The following NRG3 variants were observed in gnomAD, a reference collection of about 807,000 sequenced individuals.
NRG3 encodes pro-neuregulin-3, membrane-bound isoform.
Under a neutral mutation model 66.9 loss-of-function variants are expected in NRG3, and 31 were observed. That is an observed-to-expected ratio of 0.46 (90% confidence interval 0.35 to 0.63). The LOEUF is 0.63. Ranked by LOEUF, NRG3 falls within the 20% of genes least tolerant of loss-of-function variation. The pLI is 0.00. For synonymous variants in NRG3, 393 were observed against 359.4 expected, an observed-to-expected ratio of 1.09 and a Z score of -1.06; for missense variants, 910 against 878.9, an observed-to-expected ratio of 1.04 and a Z score of -0.45.
intron 1 of NRG3, among the ~76,000 whole-genome samples, chr10:82,256,800 G>A (rs975440161): frequency 6.6e-6 from 1 of 152,172 alleles, no homozygotes; most frequent in Non-Finnish European, 1.5e-5. Context: ...AATGGAAGAG[G>A]AAGGACCAGA....
intron 1 of NRG3, among the ~76,000 whole-genome samples, chr10:82,136,245 G>A (rs1323823698): frequency 6.6e-6 from 1 of 152,138 alleles, no homozygotes. Flanking sequence ...GCTGAGGGAG[G>A]TGCTACCACC....
At chr10:82,861,578 C>T (rs1245284825) in intron 3 of NRG3, among the ~76,000 whole-genome samples, 1 of 152,172 alleles carries the variant, frequency 6.6e-6, no homozygotes, top group East Asian at 1.9e-4. Context: ...TACAGATTCA[C>T]AAAGCCCGAT....
intron 3 of NRG3, among the ~76,000 whole-genome samples, chr10:82,819,611 A>C (rs1316502764): frequency 1.3e-5 from 2 of 152,214 alleles, no homozygotes; most frequent in Non-Finnish European, 2.9e-5. Context: ...GATTCTTATG[A>C]GTATCTGATG....
chr10:82,180,281 T>C (rs1306547313), intron 1 of NRG3, among the ~76,000 whole-genome samples: 4 of 151,904 alleles, frequency 2.6e-5, no homozygotes, highest in Non-Finnish European at 5.9e-5. Context: ...AGTACAATAT[T>C]GAATAGAAGT....
chr10:82,500,830 T>C (rs576548515), intron 2 of NRG3, among the ~76,000 whole-genome samples: 1 of 152,208 alleles, frequency 6.6e-6, no homozygotes, highest in South Asian at 2.1e-4. Context: ...TGGAAAAACA[T>C]GAGAGTGTCC....
intron 2 of NRG3, among the ~76,000 whole-genome samples, chr10:82,449,779 C>T (rs1380354039): frequency 6.6e-6 from 1 of 152,120 alleles, no homozygotes; most frequent in Non-Finnish European, 1.5e-5. Flanking sequence ...TCCACTTACT[C>T]CAATCATATA....
intron 1 of NRG3, among the ~76,000 whole-genome samples, chr10:82,209,345 A>ACTCT (rs66897277): frequency 3.3e-5 from 5 of 151,642 alleles, no homozygotes; most frequent in African/African-American, 9.7e-5. Context: ...TACATATTAC[A>ACTCT]CTCTCTCTCT....
chr10:81,891,122 A>G (rs113881108), intron 1 of NRG3, among the ~76,000 whole-genome samples: 3 of 152,230 alleles, frequency 2.0e-5, no homozygotes, highest in African/African-American at 7.2e-5. Flanking sequence ...ATTATCAGTA[A>G]CGTGCAATTG....
At chr10:82,514,549 T>C (rs1398505741) in intron 2 of NRG3, among the ~76,000 whole-genome samples, 1 of 152,162 alleles carries the variant, frequency 6.6e-6, no homozygotes, top group African/African-American at 2.4e-5. Flanking sequence ...TCTATCTGTC[T>C]GTTTCTGTAC....
chr10:82,971,392 A>G (rs1034520735), intron 6 of NRG3, among the ~76,000 whole-genome samples: 1 of 151,790 alleles, frequency 6.6e-6, no homozygotes, highest in Non-Finnish European at 1.5e-5. Flanking sequence ...AGTTATGACA[A>G]TGTTAATGGT....
At chr10:82,098,446 A>G (rs1468120038) in intron 1 of NRG3, among the ~76,000 whole-genome samples, 1 of 152,154 alleles carries the variant, frequency 6.6e-6, no homozygotes, top group Non-Finnish European at 1.5e-5. Context: ...GCAGCATCTT[A>G]GTGCTGCTCC....
At chr10:82,110,427 G>A (rs1296300964) in intron 1 of NRG3, among the ~76,000 whole-genome samples, 1 of 152,068 alleles carries the variant, frequency 6.6e-6, no homozygotes, top group Non-Finnish European at 1.5e-5. Context: ...AGCCATTGGA[G>A]AATCTTATGA....
chr10:82,149,721 T>C (rs1414009861), intron 1 of NRG3, among the ~76,000 whole-genome samples: 3 of 149,894 alleles, frequency 2.0e-5, no homozygotes, highest in Admixed American at 1.3e-4. Flanking sequence ...TTTTTTTTTT[T>C]CTAAAGCCTC....
intron 2 of NRG3, among the ~76,000 whole-genome samples, chr10:82,555,099 T>C (rs2044565714): frequency 6.6e-6 from 1 of 152,218 alleles, no homozygotes; most frequent in Non-Finnish European, 1.5e-5. Context: ...AGTCCATATT[T>C]AGAGGAGATA....
intron 2 of NRG3, among the ~76,000 whole-genome samples, chr10:82,366,594 G>A (rs188388110): frequency 2.4e-3 from 369 of 151,978 alleles, no homozygotes; most frequent in African/African-American, 8.4e-3. Flanking sequence ...TCAGCGTAAC[G>A]GGCCATAATT....
intron 1 of NRG3, among the ~76,000 whole-genome samples, chr10:82,029,614 A>G (rs983207144): frequency 3.3e-5 from 5 of 152,114 alleles, no homozygotes; most frequent in Admixed American, 6.6e-5. Flanking sequence ...CACAAATACA[A>G]TTAAACAAGT....
chr10:81,895,399 A>G (rs1843424314), intron 1 of NRG3, among the ~76,000 whole-genome samples: 1 of 152,160 alleles, frequency 6.6e-6, no homozygotes, highest in Admixed American at 6.5e-5. Context: ...ATTGATCCCA[A>G]TACTCTCAGC....
At chr10:82,967,283 A>T (rs1172623877) in intron 6 of NRG3, among the ~76,000 whole-genome samples, 1 of 151,784 alleles carries the variant, frequency 6.6e-6, no homozygotes, top group Non-Finnish European at 1.5e-5. Flanking sequence ...TTTTCTATGT[A>T]AGCATCTGTA....
intron 1 of NRG3, among the ~76,000 whole-genome samples, chr10:82,162,989 C>CTA (rs1202186071): frequency 6.6e-6 from 1 of 152,050 alleles, no homozygotes; most frequent in Non-Finnish European, 1.5e-5. Flanking sequence ...GGAGTTTGTG[C>CTA]TATGGACTAT....
Sources: allele counts gnomAD v4.1 joint callset (sites outside exome capture counted in the v4.1 genomes callset), GRCh38; gene constraint gnomAD v4.1.1; transcripts MANE v1.5; gene names NCBI Gene and HGNC (gene_info 2026-07-23, HGNC 2026-07-21).